The following VWF variants were observed in gnomAD, a reference collection of about 807,000 sequenced individuals.
VWF encodes Factor VIII related antigen.
A neutral mutation model predicts 308.6 loss-of-function variants in VWF; 176 were observed. The observed-to-expected ratio is 0.57, with a 90% CI of 0.50 to 0.65. The LOEUF is 0.65. Among genes scored for constraint, VWF ranks in the 30% least tolerant of loss-of-function variants. VWF has a pLI of 0.00. For missense variants in VWF, 3,146 were observed against 3,648.2 expected (o/e 0.86, Z 3.55); for synonymous variants, 1,385 against 1,443.4 (o/e 0.96, Z 0.92).
chr12:5,969,970 G>A (rs1000163249), intron 44 of VWF, among the ~76,000 whole-genome samples: 8 of 152,306 alleles, frequency 5.3e-5, no homozygotes, highest in East Asian at 3.9e-4. Flanking sequence ...ATGTCACTCC[G>A]AGTGCCCTCT....
chr12:6,107,352 C>A (rs1311638722), intron 5 of VWF, among the ~76,000 whole-genome samples: 1 of 152,146 alleles, frequency 6.6e-6, no homozygotes, highest in Non-Finnish European at 1.5e-5. Flanking sequence ...CATGACTCTA[C>A]GCTTTTGCGA....
At chr12:6,104,413 C>A (rs752121919) in intron 5 of VWF, among the ~76,000 whole-genome samples, 1 of 151,754 alleles carries the variant, frequency 6.6e-6, no homozygotes, top group South Asian at 2.1e-4. Flanking sequence ...GACTGCCAGG[C>A]GCGGTGGCTC....
At chr12:6,092,081 G>A (rs1383744543) in intron 6 of VWF, among the ~76,000 whole-genome samples, 2 of 152,106 alleles carry the variant, frequency 1.3e-5, no homozygotes, top group Non-Finnish European at 2.9e-5. Flanking sequence ...CCATGGTCCT[G>A]GGTATAGGCA....
intron 5 of VWF, among the ~76,000 whole-genome samples, chr12:6,103,580 ACACAG>A (rs1945208868): frequency 6.8e-6 from 1 of 147,758 alleles, no homozygotes. Flanking sequence ...ACACACACAC[ACACAG>A]ATCAATGGAA....
At chr12:6,109,573 T>C (rs1449699538) in intron 5 of VWF, among the ~76,000 whole-genome samples, 1 of 152,242 alleles carries the variant, frequency 6.6e-6, no homozygotes, top group Non-Finnish European at 1.5e-5. Flanking sequence ...TATGTAAGTG[T>C]TTAGCTTTGG....
rs112954117 is a variant in VWF, at chr12:6,020,369, A to G, written c.3675-626T>C. 0.064 allele frequency among the ~76,000 whole-genome samples: 9,738 copies of G among 152,312 alleles called. 1,014 individuals carry two copies. Among genetic ancestry groups the G allele is most frequent in the African/African-American group, 0.22 (9,029 of 41,530 alleles). ...AACAAATTATTTGGGAGTAGCAGAC[A>G]GGGGTCTCCACGGTGTCAGGCCTAG... On this transcript the variant is annotated intron_variant, in intron 27 of 51. Transcript: ENST00000261405. The surrounding 1 kb of genome is among the most constrained non-coding windows in gnomAD (Gnocchi z 4.3).
At position 6,046,708 on chromosome 12, in the gene VWF, G is replaced by A. The variant is rs1296302584; in HGVS notation, c.2281+15C>T. On this transcript the variant is annotated intron_variant, in intron 17 of 51. Transcript: ENST00000261405. The surrounding 1 kb of genome is among the most constrained non-coding windows in gnomAD (Gnocchi z 5.0). ...AGGATGGAGTCAATGGGCCTTCCAG[G>A]GGGACAGTACTCACTGCGATGAGAC... 1 of 1,613,348 alleles carries A rather than the reference G, an allele frequency of 6.2e-7. No homozygotes were observed. Among genetic ancestry groups the A allele is most frequent in the Admixed American group, 1.7e-5 (1 of 60,028 alleles).
intron 6 of VWF, among the ~76,000 whole-genome samples, chr12:6,092,622 T>TGAGAGTGAGAGTGAGAGAGAGAGA (rs1403649370): frequency 2.2e-5 from 2 of 91,492 alleles, no homozygotes; most frequent in Admixed American, 1.1e-4. Flanking sequence ...AGTGAGAGTG[T>TGAGAGTGAGAGTGAGAGAGAGAGA]GTGTGTGTGT....
intron 3 of VWF, among the ~76,000 whole-genome samples, chr12:6,117,333 C>T (rs535181231): frequency 9.2e-5 from 14 of 152,240 alleles, no homozygotes; most frequent in South Asian, 6.2e-4. Flanking sequence ...AACGGTGGCC[C>T]GAGAGGCCAG....
chr12:6,080,565 T>C (rs935222441), intron 6 of VWF, among the ~76,000 whole-genome samples: 1 of 152,096 alleles, frequency 6.6e-6, no homozygotes, highest in African/African-American at 2.4e-5. Flanking sequence ...CCATGTCAGG[T>C]GAAGCCAATG....
intron 5 of VWF, among the ~76,000 whole-genome samples, chr12:6,103,502 ACG>A (rs1491340753): frequency 2.2e-4 from 27 of 120,640 alleles, no homozygotes; most frequent in African/African-American, 1.2e-3. Flanking sequence ...GTATACACAC[ACG>A]TATATATATA....
At chr12:5,999,790 C>G (rs1190303244) in intron 34 of VWF, among the ~76,000 whole-genome samples, 1 of 150,576 alleles carries the variant, frequency 6.6e-6, no homozygotes, top group African/African-American at 2.4e-5. Flanking sequence ...ATCAGAATTT[C>G]AAAAACTAAG....
Position 6,022,721 on chromosome 12 carries a change from C to A in VWF, c.3538+19G>T. 1 of 436,338 alleles carries A rather than the reference C, an allele frequency of 2.3e-6. No individual in the cohort carries two copies. The highest frequency in any genetic ancestry group is 4.0e-6 in the Non-Finnish European group (1 of 250,756). The allele number at this position is 436,338 out of a possible 1,614,324, so 27.0% of individuals were successfully genotyped here. On this transcript the variant is annotated intron_variant, in intron 26 of 51. Coordinates refer to ENST00000261405, the MANE Select transcript of VWF (RefSeq NM_000552.5). ...CTATCCCATCCCACCAGCCTGACCC[C>A]CAGGGATAGAGGCCTCACCTGGAGG...
At position 5,997,628 on chromosome 12, in the gene VWF, C is replaced by T. The variant is rs368538230; in HGVS notation, c.5843-1406G>A. Reference sequence around the variant, plus strand: ...GTTGCAATATAGATGAAATGCCTACCTAATAGTGCATGACTCACATGTGCA... The same window carrying T: ...GTTGCAATATAGATGAAATGCCTACTTAATAGTGCATGACTCACATGTGCA... On this transcript the variant is annotated intron_variant, in intron 34 of 51. Transcript: ENST00000261405. Among the ~76,000 whole-genome samples, 14 of 152,312 alleles carry T rather than the reference C, an allele frequency of 9.2e-5. No individual in the cohort carries two copies. The East Asian group carries it at 2.3e-3, about 25-fold the overall frequency.
At chr12:6,033,143 T>C (rs1944291866) in intron 20 of VWF, among the ~76,000 whole-genome samples, 1 of 152,166 alleles carries the variant, frequency 6.6e-6, no homozygotes, top group South Asian at 2.1e-4. Flanking sequence ...TTAAATGGCT[T>C]TGTGTTAGGT....
intron 6 of VWF, among the ~76,000 whole-genome samples, chr12:6,084,959 C>CT (rs1356472864): frequency 6.6e-6 from 1 of 152,218 alleles, no homozygotes; most frequent in Non-Finnish European, 1.5e-5. Context: ...TCACAAGGAC[C>CT]TGGTGAAACC....
chr12:6,008,510 A>T (rs1216661907), intron 34 of VWF, among the ~76,000 whole-genome samples: 1 of 152,210 alleles, frequency 6.6e-6, no homozygotes, highest in Non-Finnish European at 1.5e-5. Context: ...TAAGAATAGA[A>T]GAAAATTACC....
chr12:5,956,308 G>A (rs1375194274), intron 47 of VWF, among the ~76,000 whole-genome samples: 1 of 152,108 alleles, frequency 6.6e-6, no homozygotes, highest in Non-Finnish European at 1.5e-5. Flanking sequence ...AAACAGCCTC[G>A]GGTAGGTCCT....
intron 39 of VWF, 110 bp from the exon 40 acceptor site, chr12:5,985,229 A>C: frequency 8.7e-7 from 1 of 1,151,158 alleles, no homozygotes; most frequent in African/African-American, 1.5e-5. Flanking sequence ...CTGTACGGTC[A>C]TCCCACAAGG....
Sources: gnomAD v4.1 joint callset for allele counts (sites outside exome capture counted in the v4.1 genomes callset) on GRCh38, gnomAD v4.1.1 for gene constraint, Gnocchi (gnomAD v3.1) non-coding constraint, MANE v1.5 for transcripts, NCBI Gene and HGNC (gene_info 2026-07-23, HGNC 2026-07-21) for gene names.